The following NAV3 variants were observed in gnomAD, a reference collection of about 807,000 sequenced individuals.
NAV3 encodes neuron navigator 3, also known as pore membrane and/or filament interacting like protein 1.
Under a neutral mutation model 244.7 loss-of-function variants are expected in NAV3, and 87 were observed. The observed-to-expected ratio is 0.36, with a 90% CI of 0.30 to 0.42. The LOEUF (loss-of-function observed/expected upper bound fraction) is 0.42. Among genes scored for constraint, NAV3 ranks in the 20% least tolerant of loss-of-function variants. NAV3 has a pLI of 1.00. For synonymous variants in NAV3, 1,126 were observed against 1,042.2 expected (o/e 1.08, Z -1.55); for missense variants, 2,663 against 2,893.3 (o/e 0.92, Z 1.83).
intron 12 of NAV3, among the ~76,000 whole-genome samples, chr12:78,099,928 T>C (rs897631033): frequency 5.3e-5 from 8 of 151,942 alleles, no homozygotes; most frequent in Non-Finnish European, 1.2e-4. Flanking sequence ...GGCTTCCTTG[T>C]ATAAAGAACA....
At chr12:78,005,981 T>C (rs11107808) in intron 7 of NAV3, among the ~76,000 whole-genome samples, 8,542 of 152,250 alleles carry the variant, frequency 0.056, 736 homozygotes, top group African/African-American at 0.18. Flanking sequence ...AGATCTCAGC[T>C]CACTGCAACC....
chr12:77,935,481 A>T (rs1287212035), intron 1 of NAV3, among the ~76,000 whole-genome samples: 1 of 152,202 alleles, frequency 6.6e-6, no homozygotes, highest in Non-Finnish European at 1.5e-5. Flanking sequence ...GGATGAATAT[A>T]TATGATTTAA....
chr12:77,640,949 C>T (rs1251992714), intron 2 of NAV3, among the ~76,000 whole-genome samples: 1 of 151,972 alleles, frequency 6.6e-6, no homozygotes, highest in Non-Finnish European at 1.5e-5. Flanking sequence ...AGTTGTTTGT[C>T]AGAAATTCTC....
At chr12:77,748,676 G>C (rs1389575982) in intron 2 of NAV3, among the ~76,000 whole-genome samples, 1 of 152,152 alleles carries the variant, frequency 6.6e-6, no homozygotes, top group Non-Finnish European at 1.5e-5. Context: ...TAGATGTGGG[G>C]TCTACAAGAG....
Position 78,188,779 on chromosome 12 carries a change from TAAAAGCAATAATG to T in NAV3, c.6055+11_6055+23del. 1 of 1,609,704 alleles carries T rather than the reference TAAAAGCAATAATG, an allele frequency of 6.2e-7. No individual in the cohort carries two copies. Among genetic ancestry groups the T allele is most frequent in the Non-Finnish European group, 8.5e-7 (1 of 1,177,542 alleles). On this transcript the variant is annotated splice_donor_5th_base_variant and intron_variant, in intron 33 of 39. Transcript: ENST00000397909. ...ACATCATCACTGTGAACCTCAAAGG[TAAAAGCAATAATG>T]AAAAGCAAGGCAGAAATATAATTTT... is the stretch of plus-strand genomic sequence containing the variant.
intron 2 of NAV3, among the ~76,000 whole-genome samples, chr12:77,658,604 A>T (rs570546241): frequency 6.6e-6 from 1 of 152,244 alleles, no homozygotes; most frequent in African/African-American, 2.4e-5. Context: ...ATTGGAAAAA[A>T]CTACTTTAAA....
chr12:78,088,085 A>AC (rs1566113221), intron 12 of NAV3, among the ~76,000 whole-genome samples: 1 of 150,940 alleles, frequency 6.6e-6, no homozygotes, highest in Admixed American at 6.6e-5. Flanking sequence ...ATTATGAATG[A>AC]CCTCATATAA....
intron 1 of NAV3, among the ~76,000 whole-genome samples, chr12:77,885,947 TAAAAG>T (rs1883233799): frequency 6.6e-6 from 1 of 152,136 alleles, no homozygotes; most frequent in East Asian, 1.9e-4. Context: ...TCCTCTCCAT[TAAAAG>T]AAACATAATT....
At chr12:77,904,215 T>C (rs1310021532) in intron 1 of NAV3, among the ~76,000 whole-genome samples, 1 of 152,208 alleles carries the variant, frequency 6.6e-6, no homozygotes, top group African/African-American at 2.4e-5. Context: ...TGTGGCACTA[T>C]TCACAATAGC....
chr12:77,825,890 C>T (rs1292408707), intron 2 of NAV3, among the ~76,000 whole-genome samples: 1 of 151,940 alleles, frequency 6.6e-6, no homozygotes, highest in African/African-American at 2.4e-5. Flanking sequence ...GATATTTCAC[C>T]AAAGATGATA....
At position 77,691,333 on chromosome 12, in the gene NAV3, G is replaced by GTACATATATATATATATATATA. The variant is rs1214933751; in HGVS notation, c.72+119068_72+119069insACATATATATATATATATATAT. Reference sequence around the variant, plus strand: ...TAGTCATATATAAGTATTTGTGTATGTGTGTATATATATATATATATACAT... The same window carrying GTACATATATATATATATATATA: ...TAGTCATATATAAGTATTTGTGTATGTACATATATATATATATATATATGTGTATATATATATATATATACAT... On this transcript the variant is annotated intron_variant, in intron 2 of 8. Coordinates refer to the NAV3 transcript ENST00000550042. Among the ~76,000 whole-genome samples, 55 of 100,926 alleles carry GTACATATATATATATATATATA rather than the reference G, an allele frequency of 5.4e-4. 1 individual carries two copies. Among genetic ancestry groups the GTACATATATATATATATATATA allele is most frequent in the African/African-American group, 1.8e-3 (48 of 26,100 alleles). The allele number at this position is 100,926 out of a possible 152,430, so 66.2% of individuals were successfully genotyped here.
chr12:78,044,680 C>A (rs1426025029), intron 9 of NAV3, among the ~76,000 whole-genome samples: 3 of 151,954 alleles, frequency 2.0e-5, no homozygotes, highest in East Asian at 3.9e-4. Context: ...GTATTTTATT[C>A]TCTTTGTAGC....
intron 2 of NAV3, among the ~76,000 whole-genome samples, chr12:77,812,315 G>T (rs924746255): frequency 6.6e-6 from 1 of 151,964 alleles, no homozygotes; most frequent in Non-Finnish European, 1.5e-5. Context: ...TTTATTAAAT[G>T]ACTTTCATTT....
At chr12:77,850,886 A>T (rs889243611) in intron 1 of NAV3, among the ~76,000 whole-genome samples, 4 of 152,144 alleles carry the variant, frequency 2.6e-5, no homozygotes, top group African/African-American at 9.7e-5. Flanking sequence ...GACTTGGGCT[A>T]TGTGGACACC....
intron 2 of NAV3, among the ~76,000 whole-genome samples, chr12:77,785,517 A>G: frequency 6.6e-6 from 1 of 152,134 alleles, no homozygotes; most frequent in African/African-American, 2.4e-5. Context: ...AGGGACAAAC[A>G]AAAAAGTAAC....
intron 2 of NAV3, among the ~76,000 whole-genome samples, chr12:77,725,665 T>G (rs559433529): frequency 3.9e-5 from 6 of 151,984 alleles, no homozygotes; most frequent in Non-Finnish European, 7.4e-5. Context: ...TCTATACTCA[T>G]GTAAACTATT....
intron 36 of NAV3, 104 bp from the exon 37 acceptor site, chr12:78,199,231 C>A: frequency 1.0e-6 from 1 of 957,046 alleles, no homozygotes; most frequent in Non-Finnish European, 1.6e-6. Flanking sequence ...TTATTACTTT[C>A]TATTGGAAAG....
chr12:78,017,814 C>T (rs1054803684), intron 8 of NAV3, among the ~76,000 whole-genome samples: 12 of 152,042 alleles, frequency 7.9e-5, no homozygotes, highest in African/African-American at 1.9e-4. Context: ...GTATGTTGTG[C>T]GTCTTCAGAG....
chr12:78,083,342 G>C (rs1399264191), intron 12 of NAV3, among the ~76,000 whole-genome samples: 2 of 152,118 alleles, frequency 1.3e-5, no homozygotes, highest in East Asian at 3.9e-4. Flanking sequence ...CAATACAGCT[G>C]CATTGGGGGT....
Sources: gnomAD v4.1 joint callset for allele counts (sites outside exome capture counted in the v4.1 genomes callset) on GRCh38, gnomAD v4.1.1 for gene constraint, MANE v1.5 for transcripts, NCBI Gene and HGNC (gene_info 2026-07-23, HGNC 2026-07-21) for gene names.